MDGA2: variants seen among roughly 807,000 people sequenced by gnomAD.
The protein encoded by MDGA2 is MAM domain containing glycosylphosphatidylinositol anchor 2, also known as MAM domain-containing glycosylphosphatidylinositol anchor protein 2.
Under a neutral mutation model 117.8 loss-of-function variants are expected in MDGA2, and 40 were observed. The ratio of observed to expected loss-of-function variants is 0.34; its 90% CI spans 0.26 to 0.44. The LOEUF is 0.44. Among genes scored for constraint, MDGA2 ranks in the 20% least tolerant of loss-of-function variants. The pLI, the probability that MDGA2 is intolerant of heterozygous loss-of-function variation, is 1.00. For missense variants in MDGA2, 1,123 were observed against 1,250.6 expected, an observed-to-expected ratio of 0.90 and a Z score of 1.54; for synonymous variants, 452 against 439.0, an observed-to-expected ratio of 1.03 and a Z score of -0.37.
intron 2 of MDGA2, among the ~76,000 whole-genome samples, chr14:47,278,297 A>G (rs1888369794): frequency 6.6e-6 from 1 of 152,166 alleles, no homozygotes; most frequent in Non-Finnish European, 1.5e-5. Flanking sequence ...TTATTTTTAA[A>G]TTGACAAATA....
chr14:47,266,851 T>C (rs527711598), intron 2 of MDGA2, among the ~76,000 whole-genome samples: 1 of 152,294 alleles, frequency 6.6e-6, no homozygotes, highest in South Asian at 2.1e-4. Context: ...TGCATAGCCT[T>C]TTTGGGCTCT....
intron 8 of MDGA2, among the ~76,000 whole-genome samples, chr14:46,993,084 C>G (rs1887154317): frequency 6.6e-6 from 1 of 151,788 alleles, no homozygotes; most frequent in African/African-American, 2.4e-5. Flanking sequence ...AAAAATTCTT[C>G]TCATACACTA....
rs184223294 is a variant in MDGA2, at chr14:47,607,260, T to C, written c.280+67257A>G. On this transcript the variant is annotated intron_variant, in intron 1 of 16. Coordinates refer to ENST00000399232, the MANE Select transcript of MDGA2 (RefSeq NM_001113498.3). ...TACTCTCCTATGAAAGAGATCAGCA[T>C]GGGGAAAAGAAGAAAATAAAGTGCA... Among the ~76,000 whole-genome samples the C allele has an allele frequency of 5.6e-3, 847 of 152,208 alleles. 6 individuals are homozygous for C. Among genetic ancestry groups the C allele is most frequent in the Non-Finnish European group, 8.9e-3 (606 of 68,016 alleles).
At chr14:47,611,338 A>G (rs1204028484) in intron 1 of MDGA2, among the ~76,000 whole-genome samples, 1 of 152,294 alleles carries the variant, frequency 6.6e-6, no homozygotes, top group Admixed American at 6.5e-5. Context: ...CAAATGCAAT[A>G]AAAACAAAGA....
At chr14:47,666,923 C>T (rs982249534) in intron 1 of MDGA2, among the ~76,000 whole-genome samples, 2 of 151,998 alleles carry the variant, frequency 1.3e-5, no homozygotes, top group Admixed American at 6.5e-5. Flanking sequence ...ACACTCACTG[C>T]GAAGGTCTGC....
intron 1 of MDGA2, among the ~76,000 whole-genome samples, chr14:47,647,504 A>AT (rs1237559997): frequency 1.3e-5 from 2 of 152,038 alleles, no homozygotes; most frequent in Non-Finnish European, 2.9e-5. Flanking sequence ...ATGTCATAAG[A>AT]TTTTTCATCC....
chr14:47,671,544 C>A (rs538729792), intron 1 of MDGA2, among the ~76,000 whole-genome samples: 1 of 152,196 alleles, frequency 6.6e-6, no homozygotes, highest in Non-Finnish European at 1.5e-5. Flanking sequence ...GCCTGAGTAA[C>A]CTAGAAAATC....
At chr14:47,032,269 C>T (rs1163346188) in intron 8 of MDGA2, among the ~76,000 whole-genome samples, 1 of 151,692 alleles carries the variant, frequency 6.6e-6, no homozygotes, top group African/African-American at 2.4e-5. Context: ...CCAAGTTAAG[C>T]AAAAAATAAA....
At chr14:47,439,735 T>C (rs959437496) in intron 1 of MDGA2, among the ~76,000 whole-genome samples, 9 of 151,964 alleles carry the variant, frequency 5.9e-5, no homozygotes, top group African/African-American at 2.2e-4. Context: ...ATAGTCTAAA[T>C]ATTATTGTCC....
intron 6 of MDGA2, among the ~76,000 whole-genome samples, chr14:47,078,957 C>T (rs1204780270): frequency 6.6e-6 from 1 of 151,932 alleles, no homozygotes; most frequent in Admixed American, 6.6e-5. Flanking sequence ...CCCATGCCCC[C>T]AGTCTCTCGT....
intron 7 of MDGA2, among the ~76,000 whole-genome samples, chr14:47,037,558 G>C (rs1270655856): frequency 1.3e-5 from 2 of 152,198 alleles, no homozygotes; most frequent in Non-Finnish European, 2.9e-5. Flanking sequence ...ATATGAAAGA[G>C]TAGAGATGAA....
chr14:46,846,009 C>G, intron 15 of MDGA2, 138 bp from the exon 16 acceptor site: 1 of 653,990 alleles, frequency 1.5e-6, no homozygotes, highest in South Asian at 1.9e-5. Flanking sequence ...AAAATTAAAA[C>G]TTGCAGAAAA....
chr14:46,863,298 C>G (rs1881587074), intron 14 of MDGA2, among the ~76,000 whole-genome samples: 1 of 152,104 alleles, frequency 6.6e-6, no homozygotes, highest in African/African-American at 2.4e-5. Flanking sequence ...CATTTTGATA[C>G]ATATTACTTT....
At chr14:47,190,079 C>A (rs1397560626) in intron 3 of MDGA2, among the ~76,000 whole-genome samples, 1 of 152,200 alleles carries the variant, frequency 6.6e-6, no homozygotes, top group African/African-American at 2.4e-5. Flanking sequence ...ATTTACTAAA[C>A]AGTCCACGAT....
intron 8 of MDGA2, 58 bp from the exon 9 acceptor site, chr14:46,957,701 TA>T: frequency 6.3e-7 from 1 of 1,587,568 alleles, no homozygotes; most frequent in Non-Finnish European, 8.6e-7. Flanking sequence ...AGCCAAAAGC[TA>T]CTCTTATTAG....
intron 1 of MDGA2, among the ~76,000 whole-genome samples, chr14:47,465,900 T>A (rs935115938): frequency 3.9e-5 from 6 of 152,180 alleles, no homozygotes; most frequent in African/African-American, 1.4e-4. Context: ...TGCAGCACTA[T>A]TCACAATAGC....
In MDGA2 at chr14:46,912,195, G is replaced by C. The variant is rs1486205197; in HGVS notation, c.2238+7817C>G. 2.6e-5 allele frequency among the ~76,000 whole-genome samples: 4 copies of C among 152,138 alleles called. No individual in the cohort carries two copies. In the South Asian group the frequency reaches 8.3e-4, roughly 31 times the overall value. ...AAATGACATTATTCAAGGACCTGCT[G>C]TACTTTGCTCATAAGCAAATTTGCA... On this transcript the variant is annotated intron_variant, in intron 10 of 16. Transcript: ENST00000399232.
intron 1 of MDGA2, among the ~76,000 whole-genome samples, chr14:47,549,369 C>CTCTCTCTCTCTCTG (rs1274123827): frequency 6.6e-6 from 1 of 151,946 alleles, no homozygotes; most frequent in Non-Finnish European, 1.5e-5. Flanking sequence ...CTCTCTCTCT[C>CTCTCTCTCTCTCTG]TCTGAAGAAC....
chr14:47,504,994 A>G (rs1894481626), intron 1 of MDGA2, among the ~76,000 whole-genome samples: 2 of 152,214 alleles, frequency 1.3e-5, no homozygotes, highest in Admixed American at 1.3e-4. Flanking sequence ...TGTATACACA[A>G]TGGACTTACT....
Sources: gnomAD v4.1 joint callset for allele counts (sites outside exome capture counted in the v4.1 genomes callset) on GRCh38, gnomAD v4.1.1 for gene constraint, MANE v1.5 for transcripts, NCBI Gene and HGNC (gene_info 2026-07-23, HGNC 2026-07-21) for gene names.